Variants in MYRIP observed in about 807,000 individuals in gnomAD.
The protein encoded by MYRIP is myosin VIIA and Rab interacting protein.
In MYRIP, 49 loss-of-function variants were observed where a neutral mutation model predicts 98.0. The ratio of observed to expected loss-of-function variants is 0.50; its 90% CI spans 0.40 to 0.63. The LOEUF (loss-of-function observed/expected upper bound fraction) is 0.63. Among genes scored for constraint, MYRIP ranks in the 30% least tolerant of loss-of-function variants. MYRIP has a pLI of 0.00. For synonymous variants in MYRIP, 404 were observed against 409.5 expected, an observed-to-expected ratio of 0.99 and a Z score of 0.16; for missense variants, 1,004 against 1,058.2, an observed-to-expected ratio of 0.95 and a Z score of 0.71.
chr3:40,097,484 C>G (rs1486273749), intron 3 of MYRIP, among the ~76,000 whole-genome samples: 1 of 152,122 alleles, frequency 6.6e-6, no homozygotes, highest in African/African-American at 2.4e-5. Context: ...AAAAAGTCCC[C>G]TCTCAAAGCA....
chr3:40,154,194 A>AC (rs1207764647), intron 4 of MYRIP, among the ~76,000 whole-genome samples: 1 of 151,938 alleles, frequency 6.6e-6, no homozygotes, highest in African/African-American at 2.4e-5. Context: ...CTCACGTATC[A>AC]CCCATCACAT....
intron 3 of MYRIP, among the ~76,000 whole-genome samples, chr3:40,124,409 A>T (rs1949476434): frequency 6.6e-6 from 1 of 152,224 alleles, no homozygotes; most frequent in East Asian, 1.9e-4. Flanking sequence ...TCTGAGGAAG[A>T]AAATTTCACA....
At chr3:39,845,721 T>C (rs561797522) in intron 1 of MYRIP, among the ~76,000 whole-genome samples, 1 of 152,150 alleles carries the variant, frequency 6.6e-6, no homozygotes, top group Non-Finnish European at 1.5e-5. Context: ...CTCAAGGGAC[T>C]CCTGGATGAT....
chr3:39,977,138 A>G (rs1345118039), intron 2 of MYRIP, among the ~76,000 whole-genome samples: 2 of 152,038 alleles, frequency 1.3e-5, no homozygotes, highest in Non-Finnish European at 2.9e-5. Flanking sequence ...AAAAACGGTG[A>G]TAATAAGTAA....
At chr3:40,107,065 A>T (rs1350682141) in intron 3 of MYRIP, among the ~76,000 whole-genome samples, 1 of 152,234 alleles carries the variant, frequency 6.6e-6, no homozygotes, top group East Asian at 1.9e-4. Flanking sequence ...TTATCAATAG[A>T]TTATGCTAGT....
At chr3:39,909,182 G>C (rs1022184877) in intron 2 of MYRIP, among the ~76,000 whole-genome samples, 2 of 152,188 alleles carry the variant, frequency 1.3e-5, no homozygotes, top group Non-Finnish European at 2.9e-5. Context: ...CCTGGGGAGA[G>C]AGCCTGGAGA....
intron 11 of MYRIP, among the ~76,000 whole-genome samples, chr3:40,219,604 G>C (rs1355951934): frequency 1.3e-5 from 2 of 151,998 alleles, no homozygotes; most frequent in Non-Finnish European, 2.9e-5. Context: ...TTGTCCTTGC[G>C]ATAGTTTGCT....
chr3:40,033,554 C>T (rs961240915), intron 2 of MYRIP, among the ~76,000 whole-genome samples: 1 of 152,134 alleles, frequency 6.6e-6, no homozygotes, highest in Non-Finnish European at 1.5e-5. Flanking sequence ...CAAACCACTG[C>T]TCAATGAAAT....
intron 1 of MYRIP, among the ~76,000 whole-genome samples, chr3:39,895,183 A>AT (rs369169565): frequency 2.6e-4 from 36 of 140,018 alleles, no homozygotes; most frequent in East Asian, 1.5e-3. Context: ...TTTTGCTTGC[A>AT]TTTTTTTTTT....
chr3:40,230,513 T>C (rs1045857959), intron 11 of MYRIP, among the ~76,000 whole-genome samples: 1 of 152,204 alleles, frequency 6.6e-6, no homozygotes. Flanking sequence ...GTTAGCCCTG[T>C]AGGAAAGCTG....
chr3:39,933,851 GT>G (rs1311150697), intron 2 of MYRIP, among the ~76,000 whole-genome samples: 1 of 152,116 alleles, frequency 6.6e-6, no homozygotes, highest in Non-Finnish European at 1.5e-5. Flanking sequence ...AGAAACTGAG[GT>G]TCAAGATTGA....
At chr3:40,206,023 G>T (rs1010838691) in intron 10 of MYRIP, among the ~76,000 whole-genome samples, 2 of 152,100 alleles carry the variant, frequency 1.3e-5, no homozygotes, top group Admixed American at 6.6e-5. Flanking sequence ...ATGGACCCCT[G>T]TGAAAATCTA....
At chr3:40,051,956 G>A (rs1290557909) in intron 3 of MYRIP, among the ~76,000 whole-genome samples, 1 of 152,058 alleles carries the variant, frequency 6.6e-6, no homozygotes, top group African/African-American at 2.4e-5. Flanking sequence ...TTTGATACCT[G>A]TATATAATGT....
intron 2 of MYRIP, among the ~76,000 whole-genome samples, chr3:39,958,934 C>G (rs1945247041): frequency 6.6e-6 from 1 of 152,168 alleles, no homozygotes; most frequent in Admixed American, 6.5e-5. Context: ...AAATGCTCAT[C>G]ATCACTGGCC....
chr3:40,180,697 T>A (rs2125614740), intron 8 of MYRIP, among the ~76,000 whole-genome samples: 1 of 152,314 alleles, frequency 6.6e-6, no homozygotes, highest in African/African-American at 2.4e-5. Flanking sequence ...CTCTTCTATA[T>A]TTGAAGGGAT....
chr3:39,948,986 T>G (rs114315483), intron 2 of MYRIP, among the ~76,000 whole-genome samples: 1 of 152,312 alleles, frequency 6.6e-6, no homozygotes, highest in Non-Finnish European at 1.5e-5. Flanking sequence ...ACCTTACATG[T>G]GCTGACAGGT....
intron 8 of MYRIP, among the ~76,000 whole-genome samples, chr3:40,175,623 C>T (rs1950736584): frequency 6.6e-6 from 1 of 152,264 alleles, no homozygotes; most frequent in Admixed American, 6.5e-5. Flanking sequence ...GCAGGGCCAG[C>T]CTGGTGCCCC....
At chr3:39,849,462 C>T (rs563421697) in intron 1 of MYRIP, among the ~76,000 whole-genome samples, 26 of 152,204 alleles carry the variant, frequency 1.7e-4, no homozygotes, top group East Asian at 3.9e-4. Flanking sequence ...TTGTTTTCTC[C>T]GGTCCACGGG....
intron 3 of MYRIP, among the ~76,000 whole-genome samples, chr3:40,052,343 C>G (rs564742336): frequency 6.6e-6 from 1 of 152,136 alleles, no homozygotes; most frequent in African/African-American, 2.4e-5. Context: ...CCAGTTTCAT[C>G]CATGTTGCTG....
Sources: allele counts gnomAD v4.1 joint callset (sites outside exome capture counted in the v4.1 genomes callset), GRCh38; gene constraint gnomAD v4.1.1; transcripts MANE v1.5; gene names NCBI Gene and HGNC (gene_info 2026-07-23, HGNC 2026-07-21).